The following CEP97 variants were observed in gnomAD, a reference collection of about 807,000 sequenced individuals.
CEP97 encodes centrosomal protein of 97 kDa.
Under a neutral mutation model 73.1 loss-of-function variants are expected in CEP97, and 43 were observed. That is an observed-to-expected ratio of 0.59 (90% CI 0.46 to 0.76). The LOEUF is 0.76. Among genes scored for constraint, CEP97 ranks in the 30% least tolerant of loss-of-function variants. The pLI is 0.00. For synonymous variants in CEP97, 337 were observed against 370.0 expected (o/e 0.91, Z 1.02); for missense variants, 939 against 1,014.0 (o/e 0.93, Z 1.00).
chr3:101,742,766 A>G (rs1430300398), intron 6 of CEP97, among the ~76,000 whole-genome samples: 12 of 152,114 alleles, frequency 7.9e-5, no homozygotes, highest in African/African-American at 2.6e-4. Flanking sequence ...AAGAAGGAAG[A>G]GATGGGAGGG....
Position 101,758,049 on chromosome 3 carries a change from A to G in CEP97, c.1443A>G (p.Leu481=), listed in dbSNP as rs370661601. Reference sequence around the variant, plus strand: ...CAGAGGTAAATGAGAAAGCTGGACTATTACCTTGTCCTGAGCCAACAATAA... The same window carrying G: ...CAGAGGTAAATGAGAAAGCTGGACTGTTACCTTGTCCTGAGCCAACAATAA... ...INTEVNEKAG[L]LPCPEPTIIS... The change falls in exon 9 of 11, where the codon CTA becomes CTG. Residue 481 remains leucine, a synonymous_variant. Transcript: ENST00000341893. 29 of 1,614,140 alleles carry G rather than the reference A, an allele frequency of 1.8e-5. No homozygotes were observed. The highest frequency in any genetic ancestry group is 2.7e-5 in the African/African-American group (2 of 74,942).
chr3:101,743,527 C>T (rs1009509747), intron 6 of CEP97, among the ~76,000 whole-genome samples: 7 of 152,002 alleles, frequency 4.6e-5, no homozygotes, highest in African/African-American at 7.2e-5. Flanking sequence ...TTCCAAGTAG[C>T]TGGGACTATA....
chr3:101,763,712 A>G (rs1208058768), intron 10 of CEP97, among the ~76,000 whole-genome samples: 3 of 152,178 alleles, frequency 2.0e-5, no homozygotes, highest in African/African-American at 7.2e-5. Context: ...AGAATTTGGT[A>G]TGTTTTTAGG....
rs1939394865 is a variant in CEP97 at position 101,769,162 on chromosome 3, C to A, written c.*3611C>A. ...ACAAGCTTGAGATATTATACTATCT[C>A]CCTTGGTATTTTTTGTGTGCAAAGT... On this transcript the variant is annotated 3_prime_UTR_variant, in exon 11 of 11. Coordinates refer to ENST00000341893, the MANE Select transcript of CEP97 (RefSeq NM_024548.4). 1 of 151,918 alleles carries A rather than the reference C, an allele frequency of 6.6e-6. No individual in the cohort carries two copies. The allele number at this position is 151,918 out of a possible 1,614,324, so 9.4% of individuals were successfully genotyped here.
intron 6 of CEP97, among the ~76,000 whole-genome samples, chr3:101,734,117 C>T (rs1337172828): frequency 1.3e-5 from 2 of 152,236 alleles, no homozygotes; most frequent in Admixed American, 6.5e-5. Context: ...TGAGCCACTG[C>T]ACCTGGCCAG....
rs767646219 is a variant in CEP97, at chr3:101,731,912, A to G, written c.520A>G (p.Ile174Val). ...TGCTTACCTACCCAGAAGTCTTGCT[A>G]TACTTTCTTTGGCAGAAAATGAAAT... ...APAYLPRSLA[I>V]LSLAENEIRD... is the part of the protein sequence containing the mutation. Residue 174 changes from isoleucine (I) to valine (V), a missense_variant, in exon 5 of 11, where the codon ATA becomes GTA. Transcript: ENST00000341893. 14 of 1,610,536 alleles carry G rather than the reference A, an allele frequency of 8.7e-6. No individual in the cohort carries two copies. The highest frequency in any genetic ancestry group is 1.1e-5 in the Non-Finnish European group (13 of 1,176,900).
rs73863393 is a variant in CEP97 at position 101,724,847 on chromosome 3, C to T, written c.43+128C>T. ...TCTTTTGATGCGGATCTGTGGTCGT[C>T]GCGGAGGCGGGCTACCCTCTGGGAG... On this transcript the variant is annotated intron_variant, in intron 1 of 10. Coordinates refer to ENST00000341893, the MANE Select transcript of CEP97 (RefSeq NM_024548.4). 2.0e-3 allele frequency: 1,962 copies of T among 982,372 alleles called. 33 individuals are homozygous for T. In the African/African-American group the frequency reaches 0.028, roughly 14 times the overall value. 60.9% of individuals were successfully genotyped at this position (982,372 alleles called of 1,614,324 possible).
chr3:101,751,839 A>G (rs1476602200), intron 6 of CEP97, among the ~76,000 whole-genome samples: 2 of 152,120 alleles, frequency 1.3e-5, no homozygotes, highest in African/African-American at 4.8e-5. Flanking sequence ...TGAATACAGC[A>G]CACTGATGGG....
chr3:101,746,985 T>C lies in CEP97; in HGVS notation c.729-8445T>C, dbSNP rs1407252709. ...AAATCAAAACCACAATGAGATACCA[T>C]CTCACACCAGTTAGAATGGCAATCA... On this transcript the variant is annotated intron_variant, in intron 6 of 10. Coordinates refer to ENST00000341893, the MANE Select transcript of CEP97 (RefSeq NM_024548.4). Among the ~76,000 whole-genome samples, 370 of 147,818 alleles carry C rather than the reference T, an allele frequency of 2.5e-3. 3 individuals carry two copies. The highest frequency in any genetic ancestry group is 8.5e-3 in the African/African-American group (339 of 39,866).
chr3:101,748,632 C>G (rs1428408223), intron 6 of CEP97, among the ~76,000 whole-genome samples: 2 of 152,084 alleles, frequency 1.3e-5, no homozygotes, highest in Non-Finnish European at 2.9e-5. Flanking sequence ...AGGGATGTTT[C>G]CATGGAAGAA....
At chr3:101,739,439 C>G (rs760286226) in intron 6 of CEP97, among the ~76,000 whole-genome samples, 1 of 152,080 alleles carries the variant, frequency 6.6e-6, no homozygotes, top group Non-Finnish European at 1.5e-5. Context: ...ACTGGCTAAC[C>G]GAATCCAGCA....
Position 101,765,010 on chromosome 3 carries a change from C to T in CEP97, c.2057C>T (p.Ser686Phe). The change falls in exon 11 of 11, where the codon TCT (serine) becomes TTT (phenylalanine). Residue 686 changes from serine (S) to phenylalanine (F), a missense_variant. By Grantham distance (155) the Ser-to-Phe change is radical (BLOSUM62 -2). Coordinates refer to ENST00000341893, the MANE Select transcript of CEP97 (RefSeq NM_024548.4). ...CDQNADWFIA[S>F]DVAPQEKSLP... The stretch of plus-strand genomic sequence containing the variant: ...CAAAATGCTGATTGGTTTATTGCTT[C>T]TGATGTAGCTCCTCAAGAGAAATCA... 1 of 1,614,140 alleles carries T rather than the reference C, an allele frequency of 6.2e-7. No individual in the cohort carries two copies.
rs890583912 is a variant in CEP97, at chr3:101,768,160, T to C, written c.*2609T>C. On this transcript the variant is annotated 3_prime_UTR_variant, in exon 11 of 11. Coordinates refer to ENST00000341893, the MANE Select transcript of CEP97 (RefSeq NM_024548.4). The stretch of plus-strand genomic sequence containing the variant: ...CCTGCAGAAGCACAGAATCATACCA[T>C]GTAAGAGTTGGAAGGAAGCTTAAGA... 1 of 152,246 alleles carries C rather than the reference T, an allele frequency of 6.6e-6. No individual in the cohort carries two copies. The highest frequency in any genetic ancestry group is 2.4e-5 in the African/African-American group (1 of 41,466). 9.4% of individuals were successfully genotyped at this position (152,246 alleles called of 1,614,324 possible).
chr3:101,739,680 G>A (rs538352761), intron 6 of CEP97, among the ~76,000 whole-genome samples: 1 of 152,088 alleles, frequency 6.6e-6, no homozygotes, highest in East Asian at 1.9e-4. Flanking sequence ...GGCCGAGGTG[G>A]GTGGATCATG....
chr3:101,731,469 G>A (rs566922294), intron 4 of CEP97, among the ~76,000 whole-genome samples: 2 of 152,106 alleles, frequency 1.3e-5, no homozygotes, highest in Non-Finnish European at 2.9e-5. Context: ...CCAAAATGCT[G>A]GGATTACAGG....
chr3:101,760,724 T>A (rs1421147365), intron 9 of CEP97, among the ~76,000 whole-genome samples: 1 of 152,064 alleles, frequency 6.6e-6, no homozygotes, highest in Non-Finnish European at 1.5e-5. Flanking sequence ...AAAAATTTTT[T>A]TAAAGAGATG....
At chr3:101,755,769 C>G (rs1175669866) in intron 7 of CEP97, among the ~76,000 whole-genome samples, 175 bp downstream of exon 7, 1 of 152,182 alleles carries the variant, frequency 6.6e-6, no homozygotes, top group Non-Finnish European at 1.5e-5. Context: ...TGCAAACAGC[C>G]AAACAATATG....
At chr3:101,733,996 T>C (rs185896015) in intron 6 of CEP97, among the ~76,000 whole-genome samples, 224 of 152,204 alleles carry the variant, frequency 1.5e-3, no homozygotes, top group African/African-American at 5.0e-3. Flanking sequence ...CCAGCTAATT[T>C]TGTATTTTTA....
chr3:101,765,563 G>A lies in CEP97; in HGVS notation c.*12G>A, dbSNP rs1939297649. On this transcript the variant is annotated 3_prime_UTR_variant, in exon 11 of 11. Transcript: ENST00000341893. Reference sequence around the variant, plus strand: ...GTGTTACTGTGTAGCATGTCTTTTGGGAGGCAGATATCCACTTAACTTTTC... The same window carrying A: ...GTGTTACTGTGTAGCATGTCTTTTGAGAGGCAGATATCCACTTAACTTTTC... The A allele has an allele frequency of 1.9e-6, 3 of 1,574,850 alleles. No homozygotes were observed. The highest frequency in any genetic ancestry group is 1.4e-5 in the African/African-American group (1 of 73,590).
Sources: allele counts gnomAD v4.1 joint callset (sites outside exome capture counted in the v4.1 genomes callset), GRCh38; gene constraint gnomAD v4.1.1; transcripts MANE v1.5; gene names NCBI Gene and HGNC (gene_info 2026-07-23, HGNC 2026-07-21).